Variants in NOX4 observed in about 807,000 individuals in gnomAD.
NOX4 encodes the protein NADPH oxidase 4, also known as kidney oxidase-1.
A neutral mutation model predicts 87.6 loss-of-function variants in NOX4; 69 were observed. That is an observed-to-expected ratio of 0.79 (90% CI 0.65 to 0.96). The LOEUF (loss-of-function observed/expected upper bound fraction) is 0.96. Among genes scored for constraint, NOX4 ranks in the 40% least tolerant of loss-of-function variants. NOX4 has a pLI of 0.00. For missense variants in NOX4, 680 were observed against 681.5 expected, an observed-to-expected ratio of 1.00 and a Z score of 0.02; for synonymous variants, 275 against 238.2, an observed-to-expected ratio of 1.15 and a Z score of -1.42.
In NOX4 at chr11:89,472,148, G is replaced by A. The variant is rs141152812; in HGVS notation, c.153+18310C>T. Among the ~76,000 whole-genome samples the A allele has an allele frequency of 9.4e-4, 143 of 152,236 alleles. 1 individual carries two copies. Among genetic ancestry groups the A allele is most frequent in the African/African-American group, 3.2e-3 (133 of 41,538 alleles). ...CAGAAAATGATGAACAATAATTGAA[G>A]CAATCATTTCTTTTAAAAAAAATTC... On this transcript the variant is annotated intron_variant, in intron 2 of 17. Coordinates refer to ENST00000263317, the MANE Select transcript of NOX4 (RefSeq NM_016931.5).
chr11:89,386,974 G>A (rs1940758274), intron 11 of NOX4, among the ~76,000 whole-genome samples: 2 of 152,076 alleles, frequency 1.3e-5, no homozygotes, highest in Admixed American at 1.3e-4. Flanking sequence ...TACGACAAAT[G>A]TTTCTTCTAA....
chr11:89,330,628 GAAA>G (rs35155228), intron 17 of NOX4, among the ~76,000 whole-genome samples: 37 of 79,642 alleles, frequency 4.6e-4, no homozygotes, highest in African/African-American at 1.5e-3. Context: ...TTACTAAAAA[GAAA>G]AAAAAAAAAA....
intron 2 of NOX4, among the ~76,000 whole-genome samples, chr11:89,486,714 ATGTGTATATATATGTATATT>A (rs1946642521): frequency 8.2e-6 from 1 of 122,156 alleles, no homozygotes; most frequent in African/African-American, 2.8e-5. Context: ...GTGTGTATAT[ATGTGTATATATATGTATATT>A]TTTTTTATTT....
chr11:89,400,623 T>A (rs1941782123), intron 9 of NOX4, among the ~76,000 whole-genome samples: 1 of 152,038 alleles, frequency 6.6e-6, no homozygotes, highest in African/African-American at 2.4e-5. Context: ...GGTGTAACTA[T>A]CCATGAGCAA....
intron 12 of NOX4, among the ~76,000 whole-genome samples, chr11:89,363,978 G>C (rs1464167664): frequency 6.6e-6 from 1 of 151,996 alleles, no homozygotes; most frequent in Non-Finnish European, 1.5e-5. Context: ...TAAAGATATA[G>C]GCAGGCCAGG....
chr11:89,422,873 C>G (rs374070530), intron 7 of NOX4, among the ~76,000 whole-genome samples: 181 of 147,176 alleles, frequency 1.2e-3, no homozygotes, highest in South Asian at 8.9e-3. Flanking sequence ...AATCTCAGCT[C>G]ACTGCAACCT....
the NOX4 span, among the ~76,000 whole-genome samples, chr11:89,550,314 T>A: frequency 1.3e-5 from 2 of 151,858 alleles, no homozygotes; most frequent in Non-Finnish European, 2.9e-5. Context: ...GCCTCTCGAG[T>A]AGCTGGGATT....
chr11:89,527,593 G>T, the NOX4 span, among the ~76,000 whole-genome samples: 1 of 152,168 alleles, frequency 6.6e-6, no homozygotes, highest in African/African-American at 2.4e-5. Flanking sequence ...ATGGCTAAAA[G>T]GGGCCAACAT....
intron 2 of NOX4, among the ~76,000 whole-genome samples, chr11:89,474,710 T>C (rs1946092649): frequency 1.3e-5 from 2 of 152,034 alleles, no homozygotes; most frequent in African/African-American, 4.8e-5. Context: ...ATTCAGGTGG[T>C]TACTTCTAAG....
intron 6 of NOX4, among the ~76,000 whole-genome samples, chr11:89,436,357 G>A (rs1944081921): frequency 6.6e-6 from 1 of 152,136 alleles, no homozygotes; most frequent in African/African-American, 2.4e-5. Context: ...CACATTCCAA[G>A]AGTCTGAAAA....
At chr11:89,435,316 A>G (rs188060091) in intron 6 of NOX4, among the ~76,000 whole-genome samples, 2 of 152,138 alleles carry the variant, frequency 1.3e-5, no homozygotes, top group Non-Finnish European at 2.9e-5. Context: ...GTGTTCTTCT[A>G]TGTCTGCATA....
chr11:89,457,196 C>T (rs574351386), intron 2 of NOX4, among the ~76,000 whole-genome samples: 35 of 152,320 alleles, frequency 2.3e-4, no homozygotes, highest in African/African-American at 7.0e-4. Flanking sequence ...CCAGCCAGTA[C>T]GTGTGTGTGA....
rs962564945 is a variant in NOX4, at chr11:89,395,454, G to A, written c.1074+4563C>T. ...AAAATTTTCTCCCATTCTGTAGGTTGCCTGTTCACTCTGATGGTAGTTTCT... is the reference window on the plus strand; with the variant it reads ...AAAATTTTCTCCCATTCTGTAGGTTACCTGTTCACTCTGATGGTAGTTTCT... On this transcript the variant is annotated intron_variant, in intron 11 of 17. Transcript: ENST00000263317. 5.3e-5 allele frequency among the ~76,000 whole-genome samples: 8 copies of A among 152,118 alleles called. No homozygotes were observed. The East Asian group carries it at 1.5e-3, about 29-fold the overall frequency.
chr11:89,529,788 T>A, the NOX4 span, among the ~76,000 whole-genome samples: 1 of 152,152 alleles, frequency 6.6e-6, no homozygotes. Flanking sequence ...CTTTCACTGG[T>A]AAATATATTC....
At chr11:89,420,403 T>A (rs1048096187) in intron 8 of NOX4, among the ~76,000 whole-genome samples, 3 of 152,106 alleles carry the variant, frequency 2.0e-5, no homozygotes, top group African/African-American at 7.2e-5. Flanking sequence ...ACCAATCCCA[T>A]TTAAAGAGCA....
At chr11:89,393,053 G>A (rs1941233100) in intron 11 of NOX4, among the ~76,000 whole-genome samples, 1 of 152,116 alleles carries the variant, frequency 6.6e-6, no homozygotes, top group African/African-American at 2.4e-5. Context: ...CTTTAGCACT[G>A]GAAGCTATGT....
chr11:89,376,006 T>C (rs1461956005), intron 11 of NOX4, among the ~76,000 whole-genome samples: 2 of 152,236 alleles, frequency 1.3e-5, no homozygotes, highest in African/African-American at 4.8e-5. Flanking sequence ...ATTCAATTAT[T>C]TCAAAGCAGA....
chr11:89,584,740 T>C, the NOX4 span, among the ~76,000 whole-genome samples: 6 of 152,140 alleles, frequency 3.9e-5, no homozygotes, highest in African/African-American at 1.2e-4. Flanking sequence ...TTCCCCCATC[T>C]AGAATTCTCT....
chr11:89,575,598 A>G, the NOX4 span, among the ~76,000 whole-genome samples: 7 of 152,158 alleles, frequency 4.6e-5, no homozygotes, highest in Non-Finnish European at 1.0e-4. Context: ...TTTATAATAT[A>G]ACCTCTTCTC....
Sources: gnomAD v4.1 joint callset for allele counts (sites outside exome capture counted in the v4.1 genomes callset) on GRCh38, gnomAD v4.1.1 for gene constraint, MANE v1.5 for transcripts, NCBI Gene and HGNC (gene_info 2026-07-23, HGNC 2026-07-21) for gene names.